Variants in WNK2 observed in about 807,000 individuals in gnomAD.
The protein encoded by WNK2 is serine/threonine-protein kinase WNK2.
WNK2 carries 67 observed loss-of-function variants against 192.1 expected under a neutral mutation model. The ratio of observed to expected loss-of-function variants is 0.35; its 90% CI spans 0.29 to 0.43. The LOEUF (loss-of-function observed/expected upper bound fraction) is 0.43, where lower values mean the gene tolerates loss of function less well. Ranked by LOEUF, WNK2 falls within the 20% of genes least tolerant of loss-of-function variation. The pLI, the probability that WNK2 is intolerant of heterozygous loss-of-function variation, is 1.00. For missense variants in WNK2, 2,698 were observed against 3,089.7 expected (o/e 0.87, Z 3.01); for synonymous variants, 1,439 against 1,393.9 (o/e 1.03, Z -0.72).
chr9:93,277,765 AAT>A (rs1294004976), intron 19 of WNK2, among the ~76,000 whole-genome samples: 1 of 152,198 alleles, frequency 6.6e-6, no homozygotes, highest in African/African-American at 2.4e-5. Flanking sequence ...GTGGTAACTA[AAT>A]GGATACATGT....
At chr9:93,244,868 G>A (rs986097082) in intron 7 of WNK2, among the ~76,000 whole-genome samples, 1 of 152,246 alleles carries the variant, frequency 6.6e-6, no homozygotes, top group Non-Finnish European at 1.5e-5. Flanking sequence ...CTCTGAGCCA[G>A]AAGGGAACCT....
chr9:93,185,510 T>G lies in WNK2; in HGVS notation c.581T>G (p.Phe194Cys). 6.2e-7 allele frequency: 1 copy of G among 1,612,994 alleles called. No homozygotes were observed. The highest frequency in any genetic ancestry group is 8.5e-7 in the Non-Finnish European group (1 of 1,179,746). ...GTGGCCACCTCTCTGGACGGCCGCT[T>G]CCTCAAGTTCGACATCGAGCTGGGC... ...KAVATSLDGR[F>C]LKFDIELGRG... is the part of the protein sequence containing the mutation. Residue 194 changes from phenylalanine to cysteine, a missense_variant, in exon 2 of 30, where the codon TTC becomes TGC. By Grantham distance (205) the Phe-to-Cys change is radical. Coordinates refer to ENST00000427277, the MANE Select transcript of WNK2 (RefSeq NM_006648.4).
chr9:93,267,296 T>C (rs576818707), intron 16 of WNK2: 94 of 158,706 alleles, frequency 5.9e-4, no homozygotes, highest in Non-Finnish European at 9.8e-4. Context: ...TTGCTTTCTG[T>C]CCCCCACAAC....
Position 93,247,611 on chromosome 9 carries a change from C to T in WNK2, c.1611C>T (p.Ala537=), listed in dbSNP as rs150656857. The part of the protein sequence containing the change: ...IVAKSIRDRV[A]LIQWRRERIW... ...CCAAGTCCATCCGTGACCGCGTGGC[C>T]TTGATCCAGTGGCGGCGGGAGAGGA... The change falls in exon 8 of 30, where the codon GCC becomes GCT. Residue 537 remains alanine (A), a synonymous_variant. Coordinates refer to ENST00000427277, the MANE Select transcript of WNK2 (RefSeq NM_006648.4). The surrounding 1 kb of genome is among the most constrained non-coding windows in gnomAD (Gnocchi z 5.2). The T allele has an allele frequency of 1.2e-6, 2 of 1,604,584 alleles. No individual in the cohort carries two copies. The highest frequency in any genetic ancestry group is 1.7e-5 in the Admixed American group (1 of 58,858).
intron 23 of WNK2, among the ~76,000 whole-genome samples, chr9:93,294,639 G>A (rs1849948518): frequency 1.3e-5 from 2 of 152,336 alleles, no homozygotes; most frequent in South Asian, 2.1e-4. Context: ...GTGGATGTGA[G>A]AACACTGGGG....
rs1028938759 is a variant in WNK2 at position 93,278,870 on chromosome 9, CAA to C, written c.4034-9916_4034-9915del. Among the ~76,000 whole-genome samples the C allele has an allele frequency of 1.1e-4, 17 of 152,144 alleles. No individual in the cohort carries two copies. The South Asian group carries it at 2.9e-3, about 26-fold the overall frequency. ...TTCACCATATTGATCAACTAGAAAA[CAA>C]AGAAAAACAATTCATATGGTTGTCT... On this transcript the variant is annotated intron_variant, in intron 19 of 29. Transcript: ENST00000427277.
Position 93,289,080 on chromosome 9 carries a change from C to T in WNK2, c.4326C>T (p.Ala1442=), listed in dbSNP as rs1422098807. ...AGCCACTAGCGGAGACTCACGAGGC[C>T]CCGCTTGCTGTGCAGCCCCTCGTGG... ...TSQPLAETHE[A]PLAVQPLVVG... The change falls in exon 20 of 30, where the codon GCC becomes GCT. Residue 1442 remains alanine, a synonymous_variant. Coordinates refer to ENST00000427277, the MANE Select transcript of WNK2 (RefSeq NM_006648.4). The T allele has an allele frequency of 6.2e-7, 1 of 1,607,930 alleles. No individual in the cohort carries two copies. Among genetic ancestry groups the T allele is most frequent in the Non-Finnish European group, 8.5e-7 (1 of 1,177,658 alleles).
chr9:93,233,234 T>G (rs1482628141), intron 4 of WNK2, among the ~76,000 whole-genome samples: 1 of 150,506 alleles, frequency 6.6e-6, no homozygotes, highest in East Asian at 1.9e-4. Context: ...GTGCAGCAAA[T>G]TTTCAGTATA....
chr9:93,287,917 C>T (rs1330167901), intron 19 of WNK2, among the ~76,000 whole-genome samples: 1 of 152,020 alleles, frequency 6.6e-6, no homozygotes, highest in Non-Finnish European at 1.5e-5. Context: ...CAAAAATTAT[C>T]CAGCTGTGGT....
At chr9:93,214,414 C>T (rs916359482) in intron 2 of WNK2, among the ~76,000 whole-genome samples, 2 of 152,080 alleles carry the variant, frequency 1.3e-5, no homozygotes, top group African/African-American at 2.4e-5. Flanking sequence ...AGTGATTCTT[C>T]TGCCTCAGCT....
At chr9:93,240,229 G>A (rs538780525) in intron 7 of WNK2, among the ~76,000 whole-genome samples, 1 of 152,322 alleles carries the variant, frequency 6.6e-6, no homozygotes, top group African/African-American at 2.4e-5. Context: ...TAGCAGCTCC[G>A]AGCCAGTGCA....
At position 93,239,077 on chromosome 9, in the gene WNK2, G is replaced by A. The variant is rs968860377; in HGVS notation, c.1323-680G>A. Among the ~76,000 whole-genome samples, 1 of 152,228 alleles carries A rather than the reference G, an allele frequency of 6.6e-6. No homozygotes were observed. The highest frequency in any genetic ancestry group is 1.5e-5 in the Non-Finnish European group (1 of 68,040). The stretch of plus-strand genomic sequence containing the variant: ...ATTTATAGGGTAAAGGGGGTTATAG[G>A]TTAGTGGTTAGGGAGGCTTCTTTGG... On this transcript the variant is annotated intron_variant, in intron 6 of 29. Transcript: ENST00000427277. This position sits in a 1 kb window ranked among gnomAD's most constrained non-coding sequence, Gnocchi z 4.2.
At position 93,308,416 on chromosome 9, in the gene WNK2, C is replaced by A; in HGVS notation, c.6348C>A (p.Asn2116Lys). 6.2e-7 allele frequency: 1 copy of A among 1,602,420 alleles called. No homozygotes were observed. Among genetic ancestry groups the A allele is most frequent in the Non-Finnish European group, 8.5e-7 (1 of 1,175,272 alleles). ...HVQAQVNNSNNKKGTFTDDLH... is the reference protein window; with the variant it reads ...HVQAQVNNSNKKKGTFTDDLH... The stretch of plus-strand genomic sequence containing the variant: ...AGGCGCAGGTGAACAACAGCAACAA[C>A]AAGAAGGGTACCTTCACGGACGACC... The change falls in exon 28 of 30, where the codon AAC becomes AAA. Residue 2116 changes from asparagine to lysine, a missense_variant. Physicochemically the swap from Asn to Lys is moderately conservative, Grantham distance 94. This residue lies in a region of WNK2 where 167 missense variants were observed against 184.2 expected (regional missense o/e 0.91). Transcript: ENST00000427277.
chr9:93,310,029 C>A (rs552144438), intron 28 of WNK2, among the ~76,000 whole-genome samples: 1 of 152,198 alleles, frequency 6.6e-6, no homozygotes, highest in Non-Finnish European at 1.5e-5. Flanking sequence ...TTAGTGCTTG[C>A]GGTTTGTGGA....
chr9:93,211,622 TCACC>T (rs1326445339), intron 2 of WNK2, among the ~76,000 whole-genome samples: 1 of 149,044 alleles, frequency 6.7e-6, no homozygotes, highest in Non-Finnish European at 1.5e-5. Flanking sequence ...ACTCATTCAC[TCACC>T]CACCCACTCA....
At chr9:93,298,177 CG>C in intron 24 of WNK2, 110 bp downstream of exon 24, 1 of 1,177,030 alleles carries the variant, frequency 8.5e-7, no homozygotes, top group Non-Finnish European at 1.2e-6. Flanking sequence ...GAAGACCACT[CG>C]GGGTTATCTC....
chr9:93,286,533 G>T (rs1848465673), intron 19 of WNK2, among the ~76,000 whole-genome samples: 1 of 152,218 alleles, frequency 6.6e-6, no homozygotes, highest in Admixed American at 6.5e-5. Flanking sequence ...GCCAGGATGT[G>T]GAGAGAGGGG....
intron 2 of WNK2, among the ~76,000 whole-genome samples, chr9:93,189,814 G>A (rs769230501): frequency 6.6e-6 from 1 of 152,244 alleles, no homozygotes; most frequent in Non-Finnish European, 1.5e-5. Flanking sequence ...GGACTGGAGA[G>A]CCTGCGTGCT....
At chr9:93,314,476 A>G (rs377015747) in intron 28 of WNK2, among the ~76,000 whole-genome samples, 1 of 151,978 alleles carries the variant, frequency 6.6e-6, no homozygotes, top group South Asian at 2.1e-4. Flanking sequence ...GCATGGTGGC[A>G]CATACCTATA....
Sources: gnomAD v4.1 joint callset for allele counts (sites outside exome capture counted in the v4.1 genomes callset) on GRCh38, gnomAD v4.1.1 for gene constraint, gnomAD v4.1.1 regional missense constraint, Gnocchi (gnomAD v3.1) non-coding constraint, MANE v1.5 for transcripts, NCBI Gene and HGNC (gene_info 2026-07-23, HGNC 2026-07-21) for gene names.